Variants in TEK observed in about 807,000 individuals in gnomAD.
TEK encodes angiopoietin-1 receptor.
A neutral mutation model predicts 131.8 loss-of-function variants in TEK; 43 were observed. The observed-to-expected ratio is 0.33, with a 90% confidence interval of 0.26 to 0.42. TEK has a LOEUF of 0.42. TEK is among the 10% of genes least tolerant of loss of function. TEK has a pLI of 1.00. For synonymous variants in TEK, 580 were observed against 491.6 expected (o/e 1.18, Z -2.38); for missense variants, 1,162 against 1,384.4 (o/e 0.84, Z 2.55).
At chr9:27,138,980 T>G (rs1183228403) in intron 1 of TEK, among the ~76,000 whole-genome samples, 1 of 151,814 alleles carries the variant, frequency 6.6e-6, no homozygotes, top group East Asian at 1.9e-4. Flanking sequence ...GAGGCCGAGG[T>G]GGGTGGATCA....
At chr9:27,171,887 T>C (rs1332777155) in intron 4 of TEK, among the ~76,000 whole-genome samples, 2 of 152,284 alleles carry the variant, frequency 1.3e-5, no homozygotes, top group East Asian at 3.9e-4. Context: ...GCAATTTGCC[T>C]TTATTTCATT....
chr9:27,145,535 C>A lies in TEK; in HGVS notation c.53-12296C>A, dbSNP rs181749503. 7.2e-5 allele frequency among the ~76,000 whole-genome samples: 11 copies of A among 152,290 alleles called. No homozygotes were observed. The East Asian group carries it at 2.1e-3, about 29-fold the overall frequency. ...ATGATAATACCAATAGTCCTTTACA[C>A]AGAAATCAATGATTTAGAAGCTATC... On this transcript the variant is annotated intron_variant, in intron 1 of 22. Transcript: ENST00000380036.
chr9:27,206,321 T>C (rs1029466089), intron 14 of TEK, among the ~76,000 whole-genome samples: 1 of 152,212 alleles, frequency 6.6e-6, no homozygotes, highest in Non-Finnish European at 1.5e-5. Context: ...TATGTACTGT[T>C]ACTCCTTCCT....
chr9:27,229,047 C>A, intron 22 of TEK, 111 bp from the exon 23 acceptor site: 1 of 885,880 alleles, frequency 1.1e-6, no homozygotes, highest in Non-Finnish European at 1.9e-6. Context: ...CCCCCAAGTG[C>A]TTAGTATATG....
chr9:27,169,549 C>T lies in TEK; in HGVS notation c.548C>T (p.Pro183Leu), dbSNP rs991526480. 5.6e-6 allele frequency: 9 copies of T among 1,614,026 alleles called. No homozygotes were observed. The highest frequency in any genetic ancestry group is 7.6e-6 in the Non-Finnish European group (9 of 1,180,016). The part of the protein sequence containing the change: ...ILEVHLPHAQ[P>L]QDAGVYSARY... ...GAAGTACACCTGCCTCATGCTCAGCCCCAGGATGCTGGAGTGTACTCGGCC... is the reference window on the plus strand; with the variant it reads ...GAAGTACACCTGCCTCATGCTCAGCTCCAGGATGCTGGAGTGTACTCGGCC... The change falls in exon 4 of 23, where the codon CCC becomes CTC. Residue 183 changes from proline (P) to leucine (L), a missense_variant. By Grantham distance (98) the Pro-to-Leu change is moderately conservative. Coordinates refer to ENST00000380036, the MANE Select transcript of TEK (RefSeq NM_000459.5).
intron 6 of TEK, 67 bp from the exon 7 acceptor site, chr9:27,180,173 C>T (rs1824310455): frequency 6.3e-7 from 1 of 1,598,968 alleles, no homozygotes; most frequent in Non-Finnish European, 8.6e-7. Context: ...TAAAACTAAA[C>T]ACCTGCAGTC....
intron 4 of TEK, among the ~76,000 whole-genome samples, chr9:27,171,525 G>A (rs911333394): frequency 1.3e-5 from 2 of 152,096 alleles, no homozygotes; most frequent in Non-Finnish European, 2.9e-5. Flanking sequence ...AGTATGAGAA[G>A]TGTGGTTCCT....
intron 8 of TEK, among the ~76,000 whole-genome samples, chr9:27,185,236 A>G (rs185270721): frequency 2.8e-4 from 42 of 152,298 alleles, no homozygotes; most frequent in Non-Finnish European, 5.6e-4. Context: ...CTTGCTTGTA[A>G]GTGTTTACCC....
intron 12 of TEK, among the ~76,000 whole-genome samples, chr9:27,200,308 G>A (rs1825171061): frequency 1.3e-5 from 2 of 152,142 alleles, no homozygotes; most frequent in South Asian, 4.1e-4. Context: ...ATTATCTGAG[G>A]TGCTCACTCA....
chr9:27,125,031 T>C (rs141870156), intron 1 of TEK, among the ~76,000 whole-genome samples: 87 of 152,230 alleles, frequency 5.7e-4, no homozygotes, highest in African/African-American at 1.9e-3. Context: ...AACTGCATCA[T>C]AGCCACAAAC....
chr9:27,228,110 T>C (rs1158795380), intron 21 of TEK, 96 bp from the exon 22 acceptor site: 34 of 971,918 alleles, frequency 3.5e-5, no homozygotes, highest in East Asian at 2.5e-4. Context: ...TTCATAACCA[T>C]GCATTGGGTG....
chr9:27,111,839 A>G (rs541538447), intron 1 of TEK, among the ~76,000 whole-genome samples: 4 of 152,164 alleles, frequency 2.6e-5, no homozygotes, highest in South Asian at 4.1e-4. Flanking sequence ...GTGATCAACA[A>G]TGATCTAATA....
At chr9:27,220,795 G>A (rs1322811755) in intron 21 of TEK, among the ~76,000 whole-genome samples, 1 of 152,236 alleles carries the variant, frequency 6.6e-6, no homozygotes, top group East Asian at 1.9e-4. Flanking sequence ...CAGACCAGGA[G>A]ATTCCCTCTG....
intron 6 of TEK, among the ~76,000 whole-genome samples, chr9:27,173,928 T>C (rs1320833538): frequency 1.4e-5 from 2 of 141,882 alleles, no homozygotes; most frequent in Admixed American, 1.4e-4. Flanking sequence ...AGACCTCGTT[T>C]AAAAAAAAAA....
At chr9:27,186,940 C>T (rs7853740) in intron 9 of TEK, among the ~76,000 whole-genome samples, 46,725 of 152,016 alleles carry the variant, frequency 0.31, 7,423 homozygotes, top group African/African-American at 0.38. Context: ...CTTATTATTA[C>T]TTTTGGTTAT....
chr9:27,131,843 G>GT (rs1299939661), intron 1 of TEK, among the ~76,000 whole-genome samples: 1 of 151,770 alleles, frequency 6.6e-6, no homozygotes, highest in Non-Finnish European at 1.5e-5. Flanking sequence ...AGCTATATAT[G>GT]TTTGTTTCTG....
intron 1 of TEK, among the ~76,000 whole-genome samples, chr9:27,128,262 G>A (rs900465492): frequency 6.6e-6 from 1 of 152,070 alleles, no homozygotes; most frequent in African/African-American, 2.4e-5. Context: ...GTTTTTGTCA[G>A]GTTTGTTAAA....
chr9:27,131,297 G>A (rs1379726122), intron 1 of TEK, among the ~76,000 whole-genome samples: 1 of 151,436 alleles, frequency 6.6e-6, no homozygotes, highest in African/African-American at 2.4e-5. Flanking sequence ...GCCTGGCCTG[G>A]CCAACATGGT....
At chr9:27,136,649 C>G (rs1466894478) in intron 1 of TEK, among the ~76,000 whole-genome samples, 1 of 152,054 alleles carries the variant, frequency 6.6e-6, no homozygotes, top group African/African-American at 2.4e-5. Context: ...ACACACTGAA[C>G]TGACGACTGG....
Sources: gnomAD v4.1 joint callset for allele counts (sites outside exome capture counted in the v4.1 genomes callset) on GRCh38, gnomAD v4.1.1 for gene constraint, MANE v1.5 for transcripts, NCBI Gene and HGNC (gene_info 2026-07-23, HGNC 2026-07-21) for gene names.